The following SLC44A3 variants were observed in gnomAD, a reference collection of about 807,000 sequenced individuals.
SLC44A3 encodes the protein solute carrier family 44 member 3, also known as choline transporter-like protein 3.
In SLC44A3, 74 loss-of-function variants were observed where a neutral mutation model predicts 75.4. That is an observed-to-expected ratio of 0.98 (90% CI 0.81 to 1.19). SLC44A3 has a LOEUF of 1.19. Ranked by LOEUF, SLC44A3 falls within the 50% of genes most tolerant of loss-of-function variation. The pLI is 0.00. For synonymous variants in SLC44A3, 310 were observed against 296.9 expected (o/e 1.04, Z -0.45); for missense variants, 700 against 778.6 (o/e 0.90, Z 1.20).
intron 5 of SLC44A3, among the ~76,000 whole-genome samples, chr1:94,831,801 C>A (rs1662167527): frequency 6.6e-6 from 1 of 152,214 alleles, no homozygotes; most frequent in African/African-American, 2.4e-5. Flanking sequence ...CCAATGACTT[C>A]CTGCAAGTTT....
intron 5 of SLC44A3, among the ~76,000 whole-genome samples, chr1:94,834,918 G>A (rs1297613820): frequency 2.0e-5 from 3 of 152,138 alleles, no homozygotes; most frequent in South Asian, 2.1e-4. Context: ...GGAGAAACCC[G>A]GCAGGTACCA....
intron 9 of SLC44A3, among the ~76,000 whole-genome samples, chr1:94,852,763 TC>T (rs1390784236): frequency 6.6e-6 from 1 of 152,232 alleles, no homozygotes; most frequent in Non-Finnish European, 1.5e-5. Context: ...AATTGGATTT[TC>T]TGGTTACATG....
At chr1:94,872,430 T>A (rs892089378) in intron 12 of SLC44A3, among the ~76,000 whole-genome samples, 2 of 151,914 alleles carry the variant, frequency 1.3e-5, no homozygotes, top group African/African-American at 4.8e-5. Context: ...TTTAAATCAC[T>A]TTAAGCATTG....
intron 9 of SLC44A3, among the ~76,000 whole-genome samples, chr1:94,849,462 C>G (rs954146684): frequency 2.6e-5 from 4 of 152,164 alleles, no homozygotes; most frequent in African/African-American, 9.6e-5. Flanking sequence ...TTCTCAGAGG[C>G]CTTTTCACCA....
chr1:94,843,092 C>A (rs1663878123), intron 8 of SLC44A3: 1 of 152,492 alleles, frequency 6.6e-6, no homozygotes, highest in Non-Finnish European at 1.5e-5. Flanking sequence ...ATTCCCCAGG[C>A]TGGGCATAGG....
chr1:94,833,382 T>C (rs1033410528), intron 5 of SLC44A3, among the ~76,000 whole-genome samples: 15 of 152,146 alleles, frequency 9.9e-5, no homozygotes, highest in African/African-American at 3.6e-4. Flanking sequence ...TGTGAGAGGC[T>C]TTCCTCAGTC....
intron 10 of SLC44A3, among the ~76,000 whole-genome samples, chr1:94,863,642 C>T (rs1666844669): frequency 6.6e-6 from 1 of 152,220 alleles, no homozygotes. Flanking sequence ...TTAGCAATAG[C>T]TTCCGTGGTT....
chr1:94,862,043 T>C (rs1425088318), intron 10 of SLC44A3, among the ~76,000 whole-genome samples: 1 of 152,336 alleles, frequency 6.6e-6, no homozygotes, highest in East Asian at 1.9e-4. Context: ...GATAGATGAA[T>C]TTCCTAACCT....
intron 9 of SLC44A3, among the ~76,000 whole-genome samples, chr1:94,849,671 G>A (rs544055670): frequency 2.4e-4 from 36 of 152,334 alleles, no homozygotes; most frequent in South Asian, 1.7e-3. Context: ...CAGCTTCAGC[G>A]GGGACAGACA....
Position 94,889,524 on chromosome 1 carries a change from T to TCACACACACACACACACA in SLC44A3, c.1483-1593_1483-1576dup, listed in dbSNP as rs57397808. On this transcript the variant is annotated intron_variant, in intron 12 of 14. Coordinates refer to ENST00000271227, the MANE Select transcript of SLC44A3 (RefSeq NM_001114106.3). ...GAGAAATCGTCTCATGTGAACATAA[T>TCACACACACACACACACA]CACACACACACACACACACACACAC... Among the ~76,000 whole-genome samples, 45 of 111,734 alleles carry TCACACACACACACACACA rather than the reference T, an allele frequency of 4.0e-4. 1 individual carries two copies. The highest frequency in any genetic ancestry group is 1.1e-3 in the African/African-American group (40 of 37,728). 73.3% of individuals were successfully genotyped at this position (111,734 alleles called of 152,430 possible). A position where few individuals can be genotyped will look rare whatever the true frequency, so the allele number is the denominator to read the frequency against.
intron 10 of SLC44A3, among the ~76,000 whole-genome samples, chr1:94,861,503 A>G (rs533414176): frequency 6.6e-5 from 10 of 152,352 alleles, no homozygotes; most frequent in Non-Finnish European, 1.5e-4. Context: ...GACACTTTAC[A>G]TATTACTTTG....
Position 94,894,981 on chromosome 1 carries a change from TAGA to T in SLC44A3, c.*63_*65del, listed in dbSNP as rs1553214778. ...TTCCTTCTAAGAGCCATTTACAGAA[TAGA>T]AGATGAGACCACTAGAGAAAAGTTA... On this transcript the variant is annotated 3_prime_UTR_variant, in exon 15 of 15. Coordinates refer to ENST00000271227, the MANE Select transcript of SLC44A3 (RefSeq NM_001114106.3). The T allele has an allele frequency of 3.7e-6, 5 of 1,358,320 alleles. No homozygotes were observed. The African/African-American group carries it at 7.4e-5, about 20-fold the overall frequency. 84.1% of individuals were successfully genotyped at this position (1,358,320 alleles called of 1,614,324 possible).
chr1:94,870,252 A>G (rs960146783), intron 12 of SLC44A3, among the ~76,000 whole-genome samples: 1 of 152,214 alleles, frequency 6.6e-6, no homozygotes, highest in African/African-American at 2.4e-5. Context: ...CTGTATGCAG[A>G]CTATTTCTAC....
chr1:94,879,080 C>G (rs966849371), intron 12 of SLC44A3, among the ~76,000 whole-genome samples: 4 of 152,018 alleles, frequency 2.6e-5, no homozygotes, highest in Admixed American at 6.6e-5. Flanking sequence ...GGGACCACAT[C>G]AAACTTAAAA....
intron 5 of SLC44A3, among the ~76,000 whole-genome samples, chr1:94,830,175 G>T (rs997656709): frequency 1.3e-5 from 2 of 152,050 alleles, no homozygotes; most frequent in Non-Finnish European, 2.9e-5. Context: ...AAGGAGGAGA[G>T]AACTATTTGC....
At chr1:94,834,468 TGGG>T (rs1662520088) in intron 5 of SLC44A3, among the ~76,000 whole-genome samples, 1 of 151,864 alleles carries the variant, frequency 6.6e-6, no homozygotes, top group Non-Finnish European at 1.5e-5. Flanking sequence ...AATAAATAAA[TGGG>T]GGGAAGGGAT....
chr1:94,828,218 C>G (rs1661636776), intron 4 of SLC44A3, among the ~76,000 whole-genome samples: 1 of 152,162 alleles, frequency 6.6e-6, no homozygotes, highest in Non-Finnish European at 1.5e-5. Context: ...CAGGTTTAAA[C>G]TATCAAGCTT....
intron 5 of SLC44A3, 62 bp downstream of exon 5, chr1:94,828,648 T>G: frequency 1.4e-6 from 2 of 1,420,478 alleles, no homozygotes; most frequent in Non-Finnish European, 2.0e-6. Flanking sequence ...TTGGTGTGCA[T>G]CTGTTACTCT....
intron 8 of SLC44A3, 139 bp downstream of exon 8, chr1:94,842,263 G>A: frequency 8.3e-7 from 1 of 1,200,752 alleles, no homozygotes; most frequent in Non-Finnish European, 1.1e-6. Context: ...TGAGATACCT[G>A]TATAGGGATA....
Sources: gnomAD v4.1 joint callset for allele counts (sites outside exome capture counted in the v4.1 genomes callset) on GRCh38, gnomAD v4.1.1 for gene constraint, MANE v1.5 for transcripts, NCBI Gene and HGNC (gene_info 2026-07-23, HGNC 2026-07-21) for gene names.